Variants in ZEB1 observed in about 807,000 individuals in gnomAD.
ZEB1 encodes the protein zinc finger E-box binding homeobox 1, also known as zinc finger E-box-binding homeobox 1.
In ZEB1, 21 loss-of-function variants were observed where a neutral mutation model predicts 84.9. The ratio of observed to expected loss-of-function variants is 0.25; its 90% confidence interval spans 0.18 to 0.36. The LOEUF (loss-of-function observed/expected upper bound fraction) is 0.36. ZEB1 is among the 10% of genes least tolerant of loss of function. The probability of loss-of-function intolerance (pLI) is 1.00; values close to 1 mark genes in which losing one functional copy is unlikely to be tolerated. For missense variants in ZEB1, 1,104 were observed against 1,330.2 expected, an observed-to-expected ratio of 0.83 and a Z score of 2.65; for synonymous variants, 420 against 471.1, an observed-to-expected ratio of 0.89 and a Z score of 1.41.
chr10:31,497,707 T>C (rs566381351), intron 3 of ZEB1, among the ~76,000 whole-genome samples: 1 of 152,232 alleles, frequency 6.6e-6, no homozygotes, highest in South Asian at 2.1e-4. Context: ...TTCAGAATGT[T>C]GTCAGATCTT....
intron 4 of ZEB1, among the ~76,000 whole-genome samples, chr10:31,504,801 T>G (rs1027654426): frequency 6.6e-6 from 1 of 152,146 alleles, no homozygotes; most frequent in African/African-American, 2.4e-5. Context: ...ATGTTGAGTT[T>G]TGTATCCTGC....
chr10:31,347,703 T>A (rs1367891533), intron 1 of ZEB1, among the ~76,000 whole-genome samples: 2 of 152,172 alleles, frequency 1.3e-5, no homozygotes, highest in Non-Finnish European at 2.9e-5. Flanking sequence ...TTGGACATTT[T>A]GAAAAATTAA....
chr10:31,486,828 A>G lies in ZEB1; in HGVS notation c.260-8948A>G, dbSNP rs112963026. On this transcript the variant is annotated intron_variant, in intron 2 of 8. Coordinates refer to ENST00000424869, the MANE Select transcript of ZEB1 (RefSeq NM_001174096.2). Reference sequence around the variant, plus strand: ...CTTTTTATGGATCATGATTTTCATCATGCTTGGTGTCATGTGCAGGAACTC... The same window carrying G: ...CTTTTTATGGATCATGATTTTCATCGTGCTTGGTGTCATGTGCAGGAACTC... Among the ~76,000 whole-genome samples, 644 of 151,538 alleles carry G rather than the reference A, an allele frequency of 4.2e-3. 6 individuals carry two copies. Among genetic ancestry groups the G allele is most frequent in the Middle Eastern group, 0.014 (4 of 292 alleles).
chr10:31,375,853 A>C (rs1047074560), intron 1 of ZEB1, among the ~76,000 whole-genome samples: 1 of 151,820 alleles, frequency 6.6e-6, no homozygotes, highest in Non-Finnish European at 1.5e-5. Context: ...TAAATGTAGA[A>C]ATAAAATGGG....
intron 2 of ZEB1, among the ~76,000 whole-genome samples, chr10:31,489,635 A>G (rs975991545): frequency 1.3e-4 from 19 of 151,022 alleles, no homozygotes; most frequent in African/African-American, 4.6e-4. Context: ...GTATCTTTGT[A>G]TAGATTTCTT....
chr10:31,466,715 C>A (rs1302217328), intron 2 of ZEB1, among the ~76,000 whole-genome samples: 5 of 151,582 alleles, frequency 3.3e-5, no homozygotes, highest in Non-Finnish European at 5.9e-5. Flanking sequence ...AAAATAAGAA[C>A]AAAGTAAAAC....
chr10:31,337,683 GT>G (rs756379165), intron 1 of ZEB1, among the ~76,000 whole-genome samples: 1,449 of 98,750 alleles, frequency 0.015, 12 homozygotes, highest in African/African-American at 0.055. Context: ...ATTTCTTTCT[GT>G]TTTTTTTTTT....
chr10:31,411,529 G>A (rs2054264082), intron 1 of ZEB1, among the ~76,000 whole-genome samples: 1 of 151,896 alleles, frequency 6.6e-6, no homozygotes. Flanking sequence ...CTACTCGGGA[G>A]GCTGATGCAG....
intron 1 of ZEB1, among the ~76,000 whole-genome samples, chr10:31,415,931 G>C (rs952367898): frequency 6.6e-6 from 1 of 152,066 alleles, no homozygotes; most frequent in African/African-American, 2.4e-5. Context: ...AAATTTAAGA[G>C]AGCGTTAGAA....
intron 1 of ZEB1, among the ~76,000 whole-genome samples, chr10:31,357,376 T>C (rs2042289334): frequency 6.6e-6 from 1 of 152,090 alleles, no homozygotes; most frequent in South Asian, 2.1e-4. Context: ...CTGAAACTGT[T>C]GTGAGCAGAG....
rs1395405402 is a variant in ZEB1, at chr10:31,489,984, G to T, written c.260-5792G>T. Among the ~76,000 whole-genome samples the T allele has an allele frequency of 2.0e-5, 3 of 151,360 alleles. No individual in the cohort carries two copies. The Admixed American group carries it at 2.0e-4, about 10-fold the overall frequency. Reference sequence around the variant, plus strand: ...ATTCTTATTGAATTTAGAATTTTGAGCTGACAGATATTTTTTGTTTTAAAC... The same window carrying T: ...ATTCTTATTGAATTTAGAATTTTGATCTGACAGATATTTTTTGTTTTAAAC... On this transcript the variant is annotated intron_variant, in intron 2 of 8. Coordinates refer to ENST00000424869, the MANE Select transcript of ZEB1 (RefSeq NM_001174096.2).
chr10:31,511,162 T>A (rs2069923016), intron 5 of ZEB1, among the ~76,000 whole-genome samples: 1 of 152,208 alleles, frequency 6.6e-6, no homozygotes, highest in Non-Finnish European at 1.5e-5. Flanking sequence ...AGTTAATTCT[T>A]CAAGTTTAGA....
chr10:31,514,215 C>T (rs1160177315), intron 5 of ZEB1, among the ~76,000 whole-genome samples: 2 of 151,980 alleles, frequency 1.3e-5, no homozygotes, highest in African/African-American at 2.4e-5. Flanking sequence ...TTTGTGGATG[C>T]GGTTTCTATA....
At chr10:31,411,670 A>G (rs2054310247) in intron 1 of ZEB1, among the ~76,000 whole-genome samples, 1 of 149,228 alleles carries the variant, frequency 6.7e-6, no homozygotes, top group South Asian at 2.1e-4. Flanking sequence ...GCATTAGGAG[A>G]GAAATTTATA....
intron 1 of ZEB1, among the ~76,000 whole-genome samples, chr10:31,340,006 C>T (rs1397404732): frequency 6.6e-6 from 1 of 151,946 alleles, no homozygotes; most frequent in Admixed American, 6.6e-5. Flanking sequence ...AAATTATACC[C>T]CTGGTAGATT....
intron 1 of ZEB1, among the ~76,000 whole-genome samples, chr10:31,436,295 A>G (rs1257687336): frequency 6.6e-6 from 1 of 152,192 alleles, no homozygotes; most frequent in Non-Finnish European, 1.5e-5. Context: ...AGGGTGCTTT[A>G]AGTTTTATCA....
Position 31,521,166 on chromosome 10 carries a change from C to T in ZEB1, c.1834C>T (p.Leu612Phe). Residue 612 changes from leucine to phenylalanine, a missense_variant, in exon 7 of 9, where the codon CTC (leucine) becomes TTC (phenylalanine). Coordinates refer to ENST00000424869, the MANE Select transcript of ZEB1 (RefSeq NM_001174096.2). ...GAATGCACAACCAAGTGCAGAAGAG[C>T]TCTCAAAAATTGCTGATTCAGTAAA... ...ALNAQPSAEE[L>F]SKIADSVNLP... 6.2e-7 allele frequency: 1 copy of T among 1,614,030 alleles called. No homozygotes were observed. Among genetic ancestry groups the T allele is most frequent in the Non-Finnish European group, 8.5e-7 (1 of 1,180,004 alleles).
At chr10:31,469,624 C>A (rs1185547664) in intron 2 of ZEB1, among the ~76,000 whole-genome samples, 1 of 152,112 alleles carries the variant, frequency 6.6e-6, no homozygotes, top group Non-Finnish European at 1.5e-5. Context: ...AAGGCAGCAG[C>A]GAGGCTGGGG....
At chr10:31,476,733 G>A (rs1233265067) in intron 2 of ZEB1, among the ~76,000 whole-genome samples, 1 of 151,892 alleles carries the variant, frequency 6.6e-6, no homozygotes, top group Non-Finnish European at 1.5e-5. Context: ...TTTATTTCAG[G>A]GATGCAAAGA....
Sources: allele counts gnomAD v4.1 joint callset (sites outside exome capture counted in the v4.1 genomes callset), GRCh38; gene constraint gnomAD v4.1.1; transcripts MANE v1.5; gene names NCBI Gene and HGNC (gene_info 2026-07-23, HGNC 2026-07-21).